The following BCR variants were observed in gnomAD, a reference collection of about 807,000 sequenced individuals.
BCR encodes BCR activator of RhoGEF and GTPase, also known as breakpoint cluster region protein.
A neutral mutation model predicts 138.6 loss-of-function variants in BCR; 58 were observed. That is an observed-to-expected ratio of 0.42 (90% confidence interval 0.34 to 0.52). The LOEUF (loss-of-function observed/expected upper bound fraction) is 0.52. Among genes scored for constraint, BCR ranks in the 20% least tolerant of loss-of-function variants. The pLI, the probability that BCR is intolerant of heterozygous loss-of-function variation, is 0.06. For missense variants in BCR, 1,599 were observed against 1,727.2 expected (o/e 0.93, Z 1.32); for synonymous variants, 786 against 730.1 (o/e 1.08, Z -1.23).
At chr22:23,222,207 A>G (rs1179743907) in intron 1 of BCR, among the ~76,000 whole-genome samples, 2 of 152,238 alleles carry the variant, frequency 1.3e-5, no homozygotes, top group African/African-American at 2.4e-5. Flanking sequence ...GTTCACTTCT[A>G]CATCCACAGT....
chr22:23,194,733 G>A (rs934864492), intron 1 of BCR, among the ~76,000 whole-genome samples: 1 of 151,894 alleles, frequency 6.6e-6, no homozygotes, highest in African/African-American at 2.4e-5. Context: ...TTATTCCCAG[G>A]AATTTGAGAT....
At chr22:23,296,894 G>A (rs1259635739) in intron 16 of BCR, among the ~76,000 whole-genome samples, 2 of 152,188 alleles carry the variant, frequency 1.3e-5, no homozygotes, top group East Asian at 3.8e-4. Context: ...CCACACAGAT[G>A]GGCCACACCA....
rs778458882 is a variant in BCR at position 23,285,119 on chromosome 22, A to T, written c.2324A>T (p.Asn775Ile). The T allele has an allele frequency of 3.7e-6, 6 of 1,614,104 alleles. No individual in the cohort carries two copies. The highest frequency in any genetic ancestry group is 3.4e-6 in the Non-Finnish European group (4 of 1,180,008). Reference sequence around the variant, plus strand: ...GTGGATGAACTGGAGGCAGTGCCCAACATCCCCCTGGTGCCCGATGAGGAG... The same window carrying T: ...GTGGATGAACTGGAGGCAGTGCCCATCATCCCCCTGGTGCCCGATGAGGAG... ...QMVDELEAVP[N>I]IPLVPDEELD... Residue 775 changes from asparagine (N) to isoleucine (I), a missense_variant, in exon 10 of 23, where the codon AAC (asparagine) becomes ATC (isoleucine). By Grantham distance (149) the Asn-to-Ile change is moderately radical. Around this residue, in one of 4 missense-constraint regions of BCR, gnomAD observed 590 missense variants for 762.4 expected, o/e 0.77. Transcript: ENST00000305877.
Position 23,183,484 on chromosome 22 carries a change from G to T in BCR, c.1279+1245G>T, listed in dbSNP as rs547297527. ...TTACTGATCTTCCATTTGCAGCTGG[G>T]GTTTCCTGTGGTGCACGGCTCCGAC... is the stretch of plus-strand genomic sequence containing the variant. On this transcript the variant is annotated intron_variant, in intron 1 of 22. Coordinates refer to ENST00000305877, the MANE Select transcript of BCR (RefSeq NM_004327.4). Among the ~76,000 whole-genome samples the T allele has an allele frequency of 1.0e-3, 153 of 152,320 alleles. 1 individual carries two copies. The highest frequency in any genetic ancestry group is 3.5e-3 in the African/African-American group (144 of 41,578).
At chr22:23,182,717 C>T (rs1395149867) in intron 1 of BCR, among the ~76,000 whole-genome samples, 2 of 152,196 alleles carry the variant, frequency 1.3e-5, no homozygotes, top group Non-Finnish European at 2.9e-5. Flanking sequence ...GGTTATATGA[C>T]ACGTTTGTGA....
intron 2 of BCR, among the ~76,000 whole-genome samples, chr22:23,254,902 C>T (rs1295970013): frequency 6.6e-6 from 1 of 152,148 alleles, no homozygotes; most frequent in African/African-American, 2.4e-5. Context: ...GTGGCTCACA[C>T]CTATAATCCC....
At chr22:23,252,841 T>C (rs1249995943) in intron 1 of BCR, among the ~76,000 whole-genome samples, 1 of 152,210 alleles carries the variant, frequency 6.6e-6, no homozygotes, top group Non-Finnish European at 1.5e-5. Flanking sequence ...GTAGGGGTTT[T>C]TCCCACACCA....
intron 1 of BCR, chr22:23,251,191 C>G (rs955582216): frequency 4.6e-5 from 7 of 152,384 alleles, no homozygotes; most frequent in Admixed American, 3.9e-4. Context: ...GAACCCGGCC[C>G]GGACTTTGCA....
intron 1 of BCR, among the ~76,000 whole-genome samples, chr22:23,243,506 C>G (rs1411972272): frequency 1.3e-5 from 2 of 152,072 alleles, no homozygotes; most frequent in Non-Finnish European, 2.9e-5. Flanking sequence ...GGGCAGTGCC[C>G]CAAGAGGCCA....
At chr22:23,249,583 G>A (rs1043217823) in intron 1 of BCR, among the ~76,000 whole-genome samples, 1 of 152,050 alleles carries the variant, frequency 6.6e-6, no homozygotes, top group Non-Finnish European at 1.5e-5. Context: ...AGATCATGTC[G>A]CTGAAAATAA....
At chr22:23,257,778 G>A (rs116783051) in intron 2 of BCR, among the ~76,000 whole-genome samples, 1 of 152,188 alleles carries the variant, frequency 6.6e-6, no homozygotes, top group Non-Finnish European at 1.5e-5. Flanking sequence ...GGGCACCAAG[G>A]CAGGCTCAAC....
At position 23,273,661 on chromosome 22, in the gene BCR, C is replaced by T. The variant is rs1272861617; in HGVS notation, c.2002C>T (p.His668Tyr). The T allele has an allele frequency of 2.5e-6, 4 of 1,613,896 alleles. No individual in the cohort carries two copies. The highest frequency in any genetic ancestry group is 3.4e-6 in the Non-Finnish European group (4 of 1,180,040). ...CTTGCTGAAGCACACTCCTGCCAGC[C>T]ACCCTGACCACCCCTTGCTGCAGGA... is the stretch of plus-strand genomic sequence containing the variant. ...HDLLKHTPAS[H>Y]PDHPLLQDAL... Residue 668 changes from histidine (H) to tyrosine (Y), a missense_variant, in exon 8 of 23, where the codon CAC becomes TAC. Physicochemically the swap from His to Tyr is moderately conservative, Grantham distance 83 (BLOSUM62 2). Coordinates refer to ENST00000305877, the MANE Select transcript of BCR (RefSeq NM_004327.4).
intron 1 of BCR, among the ~76,000 whole-genome samples, chr22:23,246,557 G>T (rs1006092417): frequency 1.3e-5 from 2 of 152,174 alleles, no homozygotes. Context: ...TCTTAGAAAT[G>T]CCTTCTCTTT....
chr22:23,213,072 C>T (rs775186410), intron 1 of BCR, among the ~76,000 whole-genome samples: 1 of 152,210 alleles, frequency 6.6e-6, no homozygotes, highest in Admixed American at 6.5e-5. Flanking sequence ...GGACGTACCA[C>T]AAGAACCTCC....
chr22:23,261,817 T>C (rs1220430980), intron 4 of BCR: 13 of 206,072 alleles, frequency 6.3e-5, no homozygotes, highest in Non-Finnish European at 8.8e-5. Flanking sequence ...CAGGCTGGAG[T>C]GCAGTGGCTA....
At chr22:23,284,787 G>T (rs2073691523) in intron 9 of BCR, among the ~76,000 whole-genome samples, 1 of 152,228 alleles carries the variant, frequency 6.6e-6, no homozygotes, top group African/African-American at 2.4e-5. Context: ...GCCAGCTCAG[G>T]ACAAGGTGGA....
intron 1 of BCR, among the ~76,000 whole-genome samples, chr22:23,247,052 T>G (rs2146261080): frequency 6.6e-6 from 1 of 152,278 alleles, no homozygotes; most frequent in Admixed American, 6.5e-5. Context: ...AGCCATGGTT[T>G]TCCAAGCCTC....
chr22:23,187,959 C>T (rs539146661), intron 1 of BCR, among the ~76,000 whole-genome samples: 3 of 152,146 alleles, frequency 2.0e-5, no homozygotes, highest in East Asian at 1.9e-4. Flanking sequence ...CTTTGAATTC[C>T]GGTGATGAGT....
At chr22:23,201,645 G>GAT (rs1334603266) in intron 1 of BCR, among the ~76,000 whole-genome samples, 3 of 152,034 alleles carry the variant, frequency 2.0e-5, no homozygotes, top group Non-Finnish European at 4.4e-5. Flanking sequence ...TTTTAGTAGA[G>GAT]GTGGTTTCAC....
Sources: gnomAD v4.1 joint callset for allele counts (sites outside exome capture counted in the v4.1 genomes callset) on GRCh38, gnomAD v4.1.1 for gene constraint, gnomAD v4.1.1 regional missense constraint, MANE v1.5 for transcripts, NCBI Gene and HGNC (gene_info 2026-07-23, HGNC 2026-07-21) for gene names.